Variants in NXPE2 observed in about 807,000 individuals in gnomAD.
NXPE2 encodes the protein NXPE family member 2.
Under a neutral mutation model 34.4 loss-of-function variants are expected in NXPE2, and 34 were observed. The ratio of observed to expected loss-of-function variants is 0.99; its 90% CI spans 0.75 to 1.31. NXPE2 has a LOEUF of 1.31. Among genes scored for constraint, NXPE2 ranks in the 40% most tolerant of loss-of-function variants. The pLI is 0.00. For missense variants in NXPE2, 649 were observed against 672.5 expected (o/e 0.97, Z 0.39); for synonymous variants, 235 against 231.3 (o/e 1.02, Z -0.15).
At chr11:114,571,543 G>A in the NXPE2 span, 653,469 of 1,302,788 alleles carry the variant, frequency 0.5, 171,148 homozygotes, top group African/African-American at 0.85. Context: ...ATATAAAGAT[G>A]GAAGAGATTT....
At chr11:114,620,984 G>T in the NXPE2 span, among the ~76,000 whole-genome samples, 1 of 152,168 alleles carries the variant, frequency 6.6e-6, no homozygotes, top group African/African-American at 2.4e-5. Context: ...GGTAACCACT[G>T]TTGCCCTCTG....
At chr11:114,783,936 A>G in the NXPE2 span, among the ~76,000 whole-genome samples, 52 of 152,204 alleles carry the variant, frequency 3.4e-4, no homozygotes, top group Admixed American at 7.9e-4. Flanking sequence ...TTTATTAGCT[A>G]CTAACTGTTT....
the NXPE2 span, among the ~76,000 whole-genome samples, chr11:114,527,486 G>A: frequency 1.3e-5 from 2 of 152,152 alleles, no homozygotes; most frequent in Non-Finnish European, 2.9e-5. Flanking sequence ...ATGTTAGGGG[G>A]TTATGCCAAC....
At chr11:114,637,865 A>G in the NXPE2 span, among the ~76,000 whole-genome samples, 2 of 152,042 alleles carry the variant, frequency 1.3e-5, no homozygotes, top group Non-Finnish European at 2.9e-5. Context: ...CTTTGAGGGT[A>G]ACCCGACCTT....
the NXPE2 span, among the ~76,000 whole-genome samples, chr11:114,805,195 T>C: frequency 6.6e-4 from 100 of 151,622 alleles, 1 homozygote; most frequent in African/African-American, 2.3e-3. Context: ...CAAGGAGTTT[T>C]TTTTTTTTTT....
At chr11:114,582,912 T>A in the NXPE2 span, 2 of 1,614,196 alleles carry the variant, frequency 1.2e-6, no homozygotes, top group Non-Finnish European at 1.7e-6. Context: ...TATTCTGAGT[T>A]CAGTCTCTGT....
intron 3 of NXPE2, among the ~76,000 whole-genome samples, chr11:114,701,179 A>C (rs1951358309): frequency 6.6e-6 from 1 of 152,222 alleles, no homozygotes; most frequent in Non-Finnish European, 1.5e-5. Flanking sequence ...GGAGACATAA[A>C]GGTCTTCCTG....
the NXPE2 span, among the ~76,000 whole-genome samples, chr11:114,511,097 A>G: frequency 6.6e-6 from 1 of 152,198 alleles, no homozygotes; most frequent in Non-Finnish European, 1.5e-5. Flanking sequence ...TGTTGTAAAC[A>G]TTGTTGGCGA....
At chr11:114,630,712 A>C in the NXPE2 span, among the ~76,000 whole-genome samples, 1 of 151,514 alleles carries the variant, frequency 6.6e-6, no homozygotes, top group Non-Finnish European at 1.5e-5. Context: ...ACAGCAAAAG[A>C]AACTACCATC....
At chr11:114,685,050 A>G (rs1951021246) in intron 2 of NXPE2, among the ~76,000 whole-genome samples, 1 of 152,198 alleles carries the variant, frequency 6.6e-6, no homozygotes, top group Non-Finnish European at 1.5e-5. Flanking sequence ...GTGACAGAGA[A>G]GAGGAGGATT....
chr11:114,729,226 T>C, the NXPE2 span, among the ~76,000 whole-genome samples: 1 of 152,160 alleles, frequency 6.6e-6, no homozygotes, highest in Non-Finnish European at 1.5e-5. Flanking sequence ...GCTGCATTCA[T>C]GTTGCTGCAA....
chr11:114,560,332 G>T, the NXPE2 span, among the ~76,000 whole-genome samples: 1 of 148,722 alleles, frequency 6.7e-6, no homozygotes, highest in East Asian at 2.0e-4. Flanking sequence ...GTGCAGTGGC[G>T]TGATCATAGC....
At chr11:114,677,592 T>C (rs965659193), upstream of NXPE2, among the ~76,000 whole-genome samples, 4 of 152,034 alleles carry the variant, frequency 2.6e-5, no homozygotes, top group African/African-American at 4.8e-5. Flanking sequence ...TCTGTGCCAA[T>C]CTCCAATATG....
chr11:114,709,038 G>A (rs775391542), downstream of NXPE2, among the ~76,000 whole-genome samples: 3 of 152,116 alleles, frequency 2.0e-5, no homozygotes, highest in Non-Finnish European at 4.4e-5. Flanking sequence ...TGATCCATTA[G>A]CCCCTATAAA....
At chr11:114,602,708 C>A in the NXPE2 span, among the ~76,000 whole-genome samples, 4 of 132,410 alleles carry the variant, frequency 3.0e-5, no homozygotes, top group Admixed American at 3.1e-4. Flanking sequence ...ATAATAATTA[C>A]AGAATCACAT....
chr11:114,529,899 GT>G, the NXPE2 span: 1 of 367,262 alleles, frequency 2.7e-6, no homozygotes, highest in African/African-American at 2.1e-5. Flanking sequence ...GAGCATGGAT[GT>G]TATCATACAC....
the NXPE2 span, among the ~76,000 whole-genome samples, chr11:114,658,104 G>C: frequency 6.6e-6 from 1 of 151,952 alleles, no homozygotes; most frequent in Non-Finnish European, 1.5e-5. Context: ...CATCAATCCC[G>C]TCATAAAAAA....
chr11:114,530,442 G>T, the NXPE2 span: 1 of 1,614,186 alleles, frequency 6.2e-7, no homozygotes, highest in Non-Finnish European at 8.5e-7. Flanking sequence ...GAGAGCCGAC[G>T]CCCCTTCACT....
chr11:114,696,678 T>G (rs1299543883), intron 2 of NXPE2, among the ~76,000 whole-genome samples: 1 of 152,146 alleles, frequency 6.6e-6, no homozygotes, highest in Non-Finnish European at 1.5e-5. Context: ...AAGGAAAAAT[T>G]CAGAATCATA....
Sources: gnomAD v4.1 joint callset for allele counts (sites outside exome capture counted in the v4.1 genomes callset) on GRCh38, gnomAD v4.1.1 for gene constraint, MANE v1.5 for transcripts, NCBI Gene and HGNC (gene_info 2026-07-23, HGNC 2026-07-21) for gene names.